The following SPAG16 variants were observed in gnomAD, a reference collection of about 807,000 sequenced individuals.
SPAG16 encodes sperm-associated antigen 16 protein.
A neutral mutation model predicts 80.4 loss-of-function variants in SPAG16; 86 were observed. The observed-to-expected ratio is 1.07, with a 90% confidence interval of 0.90 to 1.28. The LOEUF is 1.28. SPAG16 is among the 50% of genes most tolerant of loss of function. The probability of loss-of-function intolerance (pLI) is 0.00; values close to 1 mark genes in which losing one functional copy is unlikely to be tolerated. For missense variants in SPAG16, 870 were observed against 765.3 expected, an observed-to-expected ratio of 1.14 and a Z score of -1.61; for synonymous variants, 294 against 265.9, an observed-to-expected ratio of 1.11 and a Z score of -1.03.
chr2:213,418,493 T>C (rs1048370501), intron 9 of SPAG16, among the ~76,000 whole-genome samples: 9 of 152,320 alleles, frequency 5.9e-5, no homozygotes, highest in Non-Finnish European at 1.3e-4. Context: ...GGTTTGATAA[T>C]ATGTTTGATT....
intron 12 of SPAG16, among the ~76,000 whole-genome samples, chr2:213,967,765 A>G (rs2044780779): frequency 6.6e-6 from 1 of 152,194 alleles, no homozygotes; most frequent in Non-Finnish European, 1.5e-5. Context: ...ATGTAGGAGT[A>G]TAGTAGTTTA....
At chr2:214,024,957 A>G in intron 13 of SPAG16, among the ~76,000 whole-genome samples, 1 of 151,576 alleles carries the variant, frequency 6.6e-6, no homozygotes, top group Non-Finnish European at 1.5e-5. Flanking sequence ...TTCTGAAGTC[A>G]GATAGATTAG....
chr2:213,858,485 A>G (rs540430140), intron 10 of SPAG16, among the ~76,000 whole-genome samples: 94 of 152,316 alleles, frequency 6.2e-4, no homozygotes, highest in African/African-American at 2.2e-3. Context: ...ACATAATACT[A>G]TTATATACTT....
intron 10 of SPAG16, among the ~76,000 whole-genome samples, chr2:213,710,044 G>A (rs151264275): frequency 0.015 from 2,272 of 152,186 alleles, 37 homozygotes; most frequent in Non-Finnish European, 0.024. Context: ...CGAGGTGGGC[G>A]GATCACGAGG....
intron 12 of SPAG16, among the ~76,000 whole-genome samples, chr2:213,986,984 C>T (rs1365177126): frequency 2.4e-5 from 3 of 127,050 alleles, no homozygotes; most frequent in African/African-American, 8.7e-5. Context: ...AGGGAAAAAA[C>T]AAAATGCTAC....
chr2:213,479,937 A>C (rs1480966971), intron 9 of SPAG16, among the ~76,000 whole-genome samples: 1 of 152,174 alleles, frequency 6.6e-6, no homozygotes, highest in Admixed American at 6.6e-5. Context: ...CATGTAGAAT[A>C]TATCTCTTCA....
At position 214,098,185 on chromosome 2, in the gene SPAG16, A is replaced by G. The variant is rs537124860; in HGVS notation, c.1528-10011A>G. Among the ~76,000 whole-genome samples, 13 of 152,250 alleles carry G rather than the reference A, an allele frequency of 8.5e-5. No homozygotes were observed. The South Asian group carries it at 2.5e-3, about 29-fold the overall frequency. On this transcript the variant is annotated intron_variant, in intron 13 of 15. Coordinates refer to ENST00000331683, the MANE Select transcript of SPAG16 (RefSeq NM_024532.5). ...GCAATATAGGTACAATACAATAAAT[A>G]GTATAAAATAATGTCACAGTTTACC... is the stretch of plus-strand genomic sequence containing the variant.
intron 11 of SPAG16, among the ~76,000 whole-genome samples, chr2:213,926,645 T>C (rs2078493065): frequency 6.6e-6 from 1 of 152,142 alleles, no homozygotes; most frequent in Admixed American, 6.5e-5. Flanking sequence ...ATTTGCAGAT[T>C]CATGTTATAA....
At chr2:213,857,408 G>T (rs10201293) in intron 10 of SPAG16, among the ~76,000 whole-genome samples, 52,298 of 151,950 alleles carry the variant, frequency 0.34, 9,446 homozygotes, top group South Asian at 0.47. Context: ...CATTGACCAT[G>T]TTGAAAATCC....
intron 15 of SPAG16, among the ~76,000 whole-genome samples, chr2:214,252,864 A>G (rs1329752975): frequency 6.6e-6 from 1 of 152,128 alleles, no homozygotes; most frequent in Non-Finnish European, 1.5e-5. Context: ...ACCTTGAGAA[A>G]TCGCCACACT....
intron 11 of SPAG16, among the ~76,000 whole-genome samples, chr2:213,900,115 A>G (rs1184001543): frequency 6.6e-6 from 1 of 152,160 alleles, no homozygotes; most frequent in East Asian, 1.9e-4. Context: ...TCACACTCAC[A>G]TATTTTGGTT....
chr2:213,306,594 G>A (rs1051982519), intron 3 of SPAG16, among the ~76,000 whole-genome samples: 5 of 151,792 alleles, frequency 3.3e-5, no homozygotes, highest in East Asian at 2.0e-4. Context: ...CCTTTAGCCC[G>A]TGGTGGTGAG....
Position 213,428,514 on chromosome 2 carries a change from CAG to C in SPAG16, c.942+53396_942+53397del, listed in dbSNP as rs1288574505. On this transcript the variant is annotated intron_variant, in intron 9 of 15. Transcript: ENST00000331683. ...GACTTGGGCATTAAAGGAGCTTGGA[CAG>C]GGGATTGTAATGCTGGGTTTGGGGC... 5.9e-5 allele frequency among the ~76,000 whole-genome samples: 9 copies of C among 152,222 alleles called. No individual in the cohort carries two copies. In the East Asian group the frequency reaches 1.7e-3, roughly 29 times the overall value.
chr2:214,173,976 A>G (rs1331333803), intron 15 of SPAG16, among the ~76,000 whole-genome samples: 1 of 152,030 alleles, frequency 6.6e-6, no homozygotes, highest in Non-Finnish European at 1.5e-5. Context: ...GACAAAAACC[A>G]CATGATTATC....
rs746918491 is a variant in SPAG16 at position 214,149,209 on chromosome 2, A to G, written c.1663A>G (p.Ile555Val). 1.9e-6 allele frequency: 3 copies of G among 1,599,752 alleles called. No homozygotes were observed. Among genetic ancestry groups the G allele is most frequent in the African/African-American group, 1.3e-5 (1 of 74,540 alleles). The change falls in exon 15 of 16, where the codon ATT becomes GTT. Residue 555 changes from isoleucine to valine, a missense_variant. Ile to Val is a conservative substitution (Grantham distance 29). Transcript: ENST00000331683. ...GTGGGACTTTCGGAAGCTGTTACCA[A>G]TTGTGTCCATCGATATAGGTCCAAG... Reference protein sequence around the residue: ...KLWDFRKLLPIVSIDIGPSPG... With the variant: ...KLWDFRKLLPVVSIDIGPSPG...
At chr2:214,380,279 G>A (rs996471120) in intron 15 of SPAG16, among the ~76,000 whole-genome samples, 4 of 152,134 alleles carry the variant, frequency 2.6e-5, no homozygotes, top group East Asian at 1.9e-4. Flanking sequence ...AAGATCATAC[G>A]AATTTTCAGG....
intron 7 of SPAG16, among the ~76,000 whole-genome samples, chr2:213,360,928 T>A (rs1399241674): frequency 6.6e-6 from 1 of 152,244 alleles, no homozygotes; most frequent in Non-Finnish European, 1.5e-5. Context: ...TCTTATGTTT[T>A]CTAGCTGGAT....
chr2:214,239,409 C>T (rs558713524), intron 15 of SPAG16: 2 of 152,254 alleles, frequency 1.3e-5, no homozygotes, highest in East Asian at 3.9e-4. Flanking sequence ...TTTTGCAAAA[C>T]TGACACTCTG....
intron 10 of SPAG16, among the ~76,000 whole-genome samples, chr2:213,558,761 A>G (rs971816906): frequency 2.6e-5 from 4 of 152,192 alleles, no homozygotes; most frequent in Admixed American, 2.6e-4. Context: ...TTTATTATGG[A>G]AAATTTCAAA....
Sources: allele counts gnomAD v4.1 joint callset (sites outside exome capture counted in the v4.1 genomes callset), GRCh38; gene constraint gnomAD v4.1.1; transcripts MANE v1.5; gene names NCBI Gene and HGNC (gene_info 2026-07-23, HGNC 2026-07-21).